Variants in TERF1 observed in about 807,000 individuals in gnomAD.
TERF1 encodes the protein telomeric repeat binding factor 1.
A neutral mutation model predicts 55.1 loss-of-function variants in TERF1; 20 were observed. That is an observed-to-expected ratio of 0.36 (90% confidence interval 0.26 to 0.53). The LOEUF (loss-of-function observed/expected upper bound fraction) is 0.53. Ranked by LOEUF, TERF1 falls within the 20% of genes least tolerant of loss-of-function variation. The pLI is 0.91. For synonymous variants in TERF1, 168 were observed against 181.2 expected, an observed-to-expected ratio of 0.93 and a Z score of 0.59; for missense variants, 439 against 535.7, an observed-to-expected ratio of 0.82 and a Z score of 1.78.
intron 2 of TERF1, among the ~76,000 whole-genome samples, chr8:73,014,243 TA>T (rs35442223): frequency 0.78 from 116,485 of 148,792 alleles, 46,664 homozygotes; most frequent in East Asian, 0.96. Context: ...AAGGGCTTAT[TA>T]AAAAAAAAAA....
intron 6 of TERF1, 30 bp from the exon 7 acceptor site, chr8:73,030,306 C>T: frequency 1.4e-6 from 2 of 1,462,490 alleles, no homozygotes; most frequent in East Asian, 2.4e-5. Flanking sequence ...CTTTTGTTTA[C>T]ATTCTTACAA....
chr8:73,029,542 G>A (rs575668423), intron 6 of TERF1, among the ~76,000 whole-genome samples: 43 of 151,444 alleles, frequency 2.8e-4, no homozygotes, highest in Non-Finnish European at 3.4e-4. Context: ...TTTGAGCCCG[G>A]CAGGTCTGCA....
intron 5 of TERF1, 50 bp downstream of exon 5, chr8:73,025,021 A>G (rs371141301): frequency 2.6e-6 from 3 of 1,138,652 alleles, no homozygotes; most frequent in East Asian, 2.6e-5. Flanking sequence ...AGGAAACGTT[A>G]TAATAAAGGA....
chr8:73,038,744 AAAG>A (rs1400818415), intron 8 of TERF1: 103 of 971,326 alleles, frequency 1.1e-4, no homozygotes, highest in Non-Finnish European at 1.2e-4. Flanking sequence ...TATGAATAAG[AAAG>A]AAGGAGTGAG....
At chr8:73,035,512 A>G (rs1464771931) in intron 8 of TERF1, among the ~76,000 whole-genome samples, 1 of 151,796 alleles carries the variant, frequency 6.6e-6, no homozygotes, top group Non-Finnish European at 1.5e-5. Context: ...GAATTCTGGC[A>G]TTGTTGAATG....
chr8:73,023,372 A>G (rs1031495918), intron 4 of TERF1, among the ~76,000 whole-genome samples: 2 of 152,214 alleles, frequency 1.3e-5, no homozygotes, highest in Non-Finnish European at 2.9e-5. Flanking sequence ...CCTGATGAAT[A>G]ATCAGATTGA....
At chr8:73,027,141 T>A in intron 6 of TERF1, 89 bp downstream of exon 6, 1 of 900,100 alleles carries the variant, frequency 1.1e-6, no homozygotes. Flanking sequence ...TAAAAATAAT[T>A]ATTGAGTAGC....
In TERF1 at chr8:73,048,102, G is replaced by A. The variant is rs1810112436; in HGVS notation, c.*1965G>A. On this transcript the variant is annotated 3_prime_UTR_variant, in exon 10 of 10. Coordinates refer to ENST00000276603, the MANE Select transcript of TERF1 (RefSeq NM_017489.3). ...AGAAATTGTAAGCAAAATAAGTTGG[G>A]TAATATATTCCTAAAACCTCATCTT... 1 of 152,142 alleles carries A rather than the reference G, an allele frequency of 6.6e-6. No individual in the cohort carries two copies. Among genetic ancestry groups the A allele is most frequent in the African/African-American group, 2.4e-5 (1 of 41,434 alleles). 9.4% of individuals were successfully genotyped at this position (152,142 alleles called of 1,614,324 possible).
chr8:73,042,672 T>G (rs989031611), intron 9 of TERF1, among the ~76,000 whole-genome samples: 4 of 152,214 alleles, frequency 2.6e-5, no homozygotes, highest in Non-Finnish European at 4.4e-5. Context: ...GTATTTTCTT[T>G]TACTATTCGT....
At chr8:73,020,268 A>G (rs552998903) in intron 2 of TERF1, among the ~76,000 whole-genome samples, 2 of 152,300 alleles carry the variant, frequency 1.3e-5, no homozygotes, top group East Asian at 1.9e-4. Context: ...TAGTACAACT[A>G]TTATCTCATT....
chr8:73,031,933 A>G lies in TERF1; in HGVS notation c.948-109A>G. The G allele has an allele frequency of 6.0e-6, 4 of 671,286 alleles. No individual in the cohort carries two copies. In the South Asian group the frequency reaches 6.8e-5, roughly 11 times the overall value. 41.6% of individuals were successfully genotyped at this position (671,286 alleles called of 1,614,324 possible). A position where few individuals can be genotyped will look rare whatever the true frequency, so the allele number is the denominator to read the frequency against. Reference sequence around the variant, plus strand: ...GGGAGAGCACCAAAGGAAGTAGGCCAAAGTATTAATAGAAGATCCTAGAAC... The same window carrying G: ...GGGAGAGCACCAAAGGAAGTAGGCCGAAGTATTAATAGAAGATCCTAGAAC... On this transcript the variant is annotated intron_variant, in intron 7 of 9. Transcript: ENST00000276603.
chr8:73,018,341 C>T (rs535188652), intron 2 of TERF1, among the ~76,000 whole-genome samples: 1 of 152,310 alleles, frequency 6.6e-6, no homozygotes, highest in East Asian at 1.9e-4. Flanking sequence ...ACTGCATGCT[C>T]ACTCTGGTTT....
At chr8:73,017,711 T>C (rs1305962332) in intron 2 of TERF1, among the ~76,000 whole-genome samples, 1 of 151,206 alleles carries the variant, frequency 6.6e-6, no homozygotes, top group Non-Finnish European at 1.5e-5. Flanking sequence ...TTTTTTCTTT[T>C]TTTTTTTTTT....
At chr8:73,014,112 G>A in intron 2 of TERF1, 122 bp downstream of exon 2, 2 of 696,868 alleles carry the variant, frequency 2.9e-6, no homozygotes, top group South Asian at 1.8e-5. Flanking sequence ...ATAGGGGTGT[G>A]GGGGGGTGGT....
intron 5 of TERF1, among the ~76,000 whole-genome samples, chr8:73,026,723 C>T (rs1809021455): frequency 6.6e-6 from 1 of 151,336 alleles, no homozygotes; most frequent in African/African-American, 2.4e-5. Context: ...GGAAAGACCA[C>T]CTTCGTAACG....
intron 1 of TERF1, chr8:73,009,544 T>C (rs1808191746): frequency 7.9e-6 from 2 of 253,924 alleles, no homozygotes; most frequent in Non-Finnish European, 1.5e-5. Context: ...TGTAGTAATA[T>C]TCAGCAGTCC....
chr8:73,026,812 C>G, intron 5 of TERF1, 128 bp from the exon 6 acceptor site: 1 of 695,804 alleles, frequency 1.4e-6, no homozygotes, highest in South Asian at 1.7e-5. Flanking sequence ...CAGTGCCCTT[C>G]ATTGGCCTGT....
At chr8:73,029,619 G>A (rs1473570353) in intron 6 of TERF1, among the ~76,000 whole-genome samples, 1 of 151,468 alleles carries the variant, frequency 6.6e-6, no homozygotes, top group Non-Finnish European at 1.5e-5. Context: ...AAAAAAAGGG[G>A]GTGTAATATT....
At chr8:73,015,686 A>AT (rs1035641728) in intron 2 of TERF1, among the ~76,000 whole-genome samples, 1 of 151,612 alleles carries the variant, frequency 6.6e-6, no homozygotes, top group Non-Finnish European at 1.5e-5. Context: ...AAATACAAAA[A>AT]AAAATAAAAA....
Sources: allele counts gnomAD v4.1 joint callset (sites outside exome capture counted in the v4.1 genomes callset), GRCh38; gene constraint gnomAD v4.1.1; transcripts MANE v1.5; gene names NCBI Gene and HGNC (gene_info 2026-07-23, HGNC 2026-07-21).